OLFML2B: variants seen among roughly 807,000 people sequenced by gnomAD.
OLFML2B encodes olfactomedin like 2B, also known as olfactomedin-like protein 2B.
A neutral mutation model predicts 74.9 loss-of-function variants in OLFML2B; 57 were observed. That is an observed-to-expected ratio of 0.76 (90% CI 0.61 to 0.95). The LOEUF is 0.95. OLFML2B is among the 40% of genes least tolerant of loss of function. The probability of loss-of-function intolerance (pLI) is 0.00; values close to 1 mark genes in which losing one functional copy is unlikely to be tolerated. For synonymous variants in OLFML2B, 388 were observed against 405.8 expected (o/e 0.96, Z 0.53); for missense variants, 986 against 970.6 (o/e 1.02, Z -0.21).
At chr1:161,998,916 G>T (rs1329061680) in intron 5 of OLFML2B, among the ~76,000 whole-genome samples, 2 of 152,228 alleles carry the variant, frequency 1.3e-5, no homozygotes, top group African/African-American at 4.8e-5. Context: ...CCTGGAGGAG[G>T]TGAAGGAGTC....
chr1:161,991,973 C>T (rs528308343), intron 6 of OLFML2B, among the ~76,000 whole-genome samples: 19 of 152,306 alleles, frequency 1.2e-4, no homozygotes, highest in Admixed American at 9.8e-4. Flanking sequence ...TCACCTTGTC[C>T]TTTGAAGCTT....
intron 6 of OLFML2B, among the ~76,000 whole-genome samples, chr1:161,995,562 G>A (rs1232371087): frequency 6.6e-6 from 1 of 152,194 alleles, no homozygotes; most frequent in African/African-American, 2.4e-5. Context: ...AAAGCCTGCT[G>A]ATGGCAAAGT....
intron 6 of OLFML2B, among the ~76,000 whole-genome samples, chr1:161,986,976 C>A (rs1238701573): frequency 6.6e-6 from 1 of 152,234 alleles, no homozygotes; most frequent in African/African-American, 2.4e-5. Context: ...CAGGACTCGT[C>A]TGTGCAGCTC....
chr1:161,984,379 G>C, intron 7 of OLFML2B, 103 bp from the exon 8 acceptor site: 1 of 1,458,500 alleles, frequency 6.9e-7, no homozygotes, highest in Non-Finnish European at 9.1e-7. Flanking sequence ...TGGAAACCCA[G>C]GTTTGTGTCT....
chr1:161,993,604 C>G (rs1251090204), intron 6 of OLFML2B, among the ~76,000 whole-genome samples: 1 of 152,162 alleles, frequency 6.6e-6, no homozygotes, highest in Non-Finnish European at 1.5e-5. Context: ...ACTTCTCATT[C>G]CCTTCATCAT....
At chr1:161,998,778 C>A (rs1690002219) in intron 5 of OLFML2B, among the ~76,000 whole-genome samples, 1 of 152,022 alleles carries the variant, frequency 6.6e-6, no homozygotes, top group Non-Finnish European at 1.5e-5. Flanking sequence ...GGATTGTGCA[C>A]CTGAAGGTGC....
At chr1:162,009,212 T>C (rs1401923291) in intron 3 of OLFML2B, among the ~76,000 whole-genome samples, 1 of 152,110 alleles carries the variant, frequency 6.6e-6, no homozygotes, top group Non-Finnish European at 1.5e-5. Context: ...GCCAGGGTGA[T>C]GTGACAGATG....
chr1:161,984,139 C>G lies in OLFML2B; in HGVS notation c.1789G>C (p.Ala597Pro), dbSNP rs1399172220. 1 of 1,610,712 alleles carries G rather than the reference C, an allele frequency of 6.2e-7. No homozygotes were observed. The highest frequency in any genetic ancestry group is 1.1e-5 in the South Asian group (1 of 90,598). The change falls in exon 8 of 8, where the codon GCC becomes CCC. Residue 597 changes from alanine to proline, a missense_variant. Physicochemically the swap from Ala to Pro is conservative, Grantham distance 27 (BLOSUM62 -1). Coordinates refer to ENST00000294794, the MANE Select transcript of OLFML2B (RefSeq NM_015441.3). ...GCCACGTCATGCAGCATGGCCCAGG[C>G]AGCCACGTAGCGCTGCTTCAGGTCG... is the stretch of plus-strand genomic sequence containing the variant. ...KYDLKQRYVA[A>P]WAMLHDVAYE...
chr1:162,017,410 T>G lies in OLFML2B; in HGVS notation c.536A>C (p.Lys179Thr). The G allele has an allele frequency of 6.2e-7, 1 of 1,612,714 alleles. No individual in the cohort carries two copies. Among genetic ancestry groups the G allele is most frequent in the Non-Finnish European group, 8.5e-7 (1 of 1,179,300 alleles). ...CAGAATCTTCCTTACCTCCTCCAGT[T>G]TATCCACTCGCCCCACCAGTTTGGT... is the stretch of plus-strand genomic sequence containing the variant. ...VTTKLVGRVD[K>T]LEEEVSKNLT... Residue 179 changes from lysine (K) to threonine (T), a missense_variant, in exon 3 of 8, where the codon AAA becomes ACA. Transcript: ENST00000294794.
At chr1:162,020,368 C>A (rs1690669420) in intron 1 of OLFML2B, among the ~76,000 whole-genome samples, 186 bp from the exon 2 acceptor site, 1 of 152,194 alleles carries the variant, frequency 6.6e-6, no homozygotes, top group Non-Finnish European at 1.5e-5. Context: ...TGAAGGCATT[C>A]AGAGTTCAGC....
chr1:162,016,944 T>C (rs1217397490), intron 3 of OLFML2B, among the ~76,000 whole-genome samples: 1 of 152,248 alleles, frequency 6.6e-6, no homozygotes, highest in Non-Finnish European at 1.5e-5. Context: ...ATCATTTTTA[T>C]GTCTTCTTCC....
At chr1:162,002,763 C>T (rs867882197) in intron 4 of OLFML2B, among the ~76,000 whole-genome samples, 2 of 152,168 alleles carry the variant, frequency 1.3e-5, no homozygotes, top group East Asian at 1.9e-4. Context: ...GGAAACAGGC[C>T]GACATGCTCG....
chr1:161,984,959 G>C lies in OLFML2B; in HGVS notation c.1496C>G (p.Ser499Cys). ...CTGGGTGGTCGGCCCCGTGATTGTGGAGAGAGTGTCCTTGCACCTTCCTGG... is the reference window on the plus strand; with the variant it reads ...CTGGGTGGTCGGCCCCGTGATTGTGCAGAGAGTGTCCTTGCACCTTCCTGG... The part of the protein sequence containing the change: ...NVIGRCKDTL[S>C]TITGPTTQNT... Residue 499 changes from serine to cysteine, a missense_variant, in exon 7 of 8, where the codon TCC becomes TGC. Coordinates refer to ENST00000294794, the MANE Select transcript of OLFML2B (RefSeq NM_015441.3). 6.2e-7 allele frequency: 1 copy of C among 1,610,510 alleles called. No homozygotes were observed. The highest frequency in any genetic ancestry group is 8.5e-7 in the Non-Finnish European group (1 of 1,179,048).
At chr1:162,005,630 G>A (rs776915537) in intron 4 of OLFML2B, among the ~76,000 whole-genome samples, 5 of 152,156 alleles carry the variant, frequency 3.3e-5, no homozygotes, top group Non-Finnish European at 7.3e-5. Flanking sequence ...AGTGGCCCAC[G>A]CCTGTCATCC....
intron 4 of OLFML2B, 148 bp from the exon 5 acceptor site, chr1:162,000,486 C>T (rs951869729): frequency 1.7e-6 from 1 of 599,482 alleles, no homozygotes; most frequent in African/African-American, 2.0e-5. Context: ...TATACATTTA[C>T]ATATGTTAAC....
chr1:162,013,694 T>C (rs1376279963), intron 3 of OLFML2B, among the ~76,000 whole-genome samples: 1 of 152,114 alleles, frequency 6.6e-6, no homozygotes, highest in Non-Finnish European at 1.5e-5. Flanking sequence ...TGTTCATGTA[T>C]AGGAATGTCC....
intron 5 of OLFML2B, among the ~76,000 whole-genome samples, chr1:161,999,892 T>C (rs1284559069): frequency 6.6e-6 from 1 of 152,142 alleles, no homozygotes; most frequent in Non-Finnish European, 1.5e-5. Context: ...CACTCTGCCA[T>C]ATGGTCTTCT....
At chr1:161,993,332 C>A (rs920408261) in intron 6 of OLFML2B, among the ~76,000 whole-genome samples, 3 of 152,182 alleles carry the variant, frequency 2.0e-5, no homozygotes, top group African/African-American at 7.2e-5. Context: ...GGGTCCTGGG[C>A]TGCCTCAGTC....
At chr1:161,996,432 CCTT>C (rs1283638408) in intron 6 of OLFML2B, among the ~76,000 whole-genome samples, 3 of 152,206 alleles carry the variant, frequency 2.0e-5, no homozygotes, top group Non-Finnish European at 4.4e-5. Flanking sequence ...GGCAGGTACT[CCTT>C]CACCGCTCTG....
Sources: allele counts gnomAD v4.1 joint callset (sites outside exome capture counted in the v4.1 genomes callset), GRCh38; gene constraint gnomAD v4.1.1; transcripts MANE v1.5; gene names NCBI Gene and HGNC (gene_info 2026-07-23, HGNC 2026-07-21).